Variants in FAM161B observed in about 807,000 individuals in gnomAD.
FAM161B encodes the protein protein FAM161B.
Under a neutral mutation model 61.5 loss-of-function variants are expected in FAM161B, and 46 were observed. That is an observed-to-expected ratio of 0.75 (90% CI 0.59 to 0.96). The LOEUF is 0.96. Among genes scored for constraint, FAM161B ranks in the 40% least tolerant of loss-of-function variants. The pLI, the probability that FAM161B is intolerant of heterozygous loss-of-function variation, is 0.00. For synonymous variants in FAM161B, 284 were observed against 302.7 expected (o/e 0.94, Z 0.64); for missense variants, 774 against 800.7 (o/e 0.97, Z 0.40).
chr14:73,923,253 G>C, the FAM161B span: 7 of 939,748 alleles, frequency 7.4e-6, no homozygotes, highest in Non-Finnish European at 1.0e-5. Flanking sequence ...ATGCTTATCA[G>C]ACAGGATTAA....
chr14:73,941,268 G>A (rs1197340505), intron 4 of FAM161B, among the ~76,000 whole-genome samples: 1 of 151,944 alleles, frequency 6.6e-6, no homozygotes, highest in Admixed American at 6.6e-5. Context: ...TACAGGTTGT[G>A]AGCCACCATG....
chr14:73,945,017 G>C, intron 2 of FAM161B, 132 bp from the exon 3 acceptor site: 3 of 638,828 alleles, frequency 4.7e-6, no homozygotes, highest in Non-Finnish European at 7.2e-6. Context: ...AGCCCCACAG[G>C]CCTCTATGTC....
chr14:73,944,916 A>C, intron 2 of FAM161B, 31 bp from the exon 3 acceptor site: 2 of 1,482,282 alleles, frequency 1.3e-6, no homozygotes, highest in Non-Finnish European at 1.8e-6. Flanking sequence ...TGAGTGGAGG[A>C]CAGGGCAGTC....
intron 1 of FAM161B, among the ~76,000 whole-genome samples, chr14:73,947,633 C>A (rs535008372): frequency 6.6e-6 from 1 of 152,214 alleles, no homozygotes; most frequent in African/African-American, 2.4e-5. Context: ...ATGATAAATT[C>A]TGTGAAAACC....
Position 73,935,948 on chromosome 14 carries a change from C to T in FAM161B, c.1805+1G>A. On this transcript the variant is annotated splice_donor_variant, in intron 8 of 8. Transcript: ENST00000286544. LOFTEE classifies it high-confidence loss of function. ...AGAATGACAGCAACATTTCAGGTTA[C>T]CTGGGAAAATCCTTGATTTTGGTCT... is the stretch of plus-strand genomic sequence containing the variant. 6.2e-7 allele frequency: 1 copy of T among 1,606,476 alleles called. No homozygotes were observed. Among genetic ancestry groups the T allele is most frequent in the Non-Finnish European group, 8.5e-7 (1 of 1,175,074 alleles).
intron 2 of FAM161B, among the ~76,000 whole-genome samples, chr14:73,945,584 A>G (rs2056059480): frequency 1.3e-5 from 2 of 152,018 alleles, no homozygotes; most frequent in South Asian, 4.2e-4. Flanking sequence ...ACCTGCCACC[A>G]TGCCCGGCTA....
downstream of FAM161B, chr14:73,932,165 T>C (rs1218109829): frequency 8.2e-6 from 3 of 365,794 alleles, no homozygotes; most frequent in East Asian, 2.3e-4. Flanking sequence ...TCTTCGTTAA[T>C]GGAACATACA....
intron 3 of FAM161B, 125 bp downstream of exon 3, chr14:73,944,210 C>G: frequency 6.9e-7 from 1 of 1,448,244 alleles, no homozygotes; most frequent in Non-Finnish European, 9.3e-7. Flanking sequence ...AAGCGTGCAG[C>G]CTCTAGTGGG....
Position 73,942,386 on chromosome 14 carries a change from T to C in FAM161B, c.1255A>G (p.Thr419Ala). The C allele has an allele frequency of 6.2e-6, 10 of 1,613,908 alleles. No homozygotes were observed. The highest frequency in any genetic ancestry group is 8.5e-6 in the Non-Finnish European group (10 of 1,179,894). Reference protein sequence around the residue: ...RHPQRPCDAATTGRRQDSPQP... With the variant: ...RHPQRPCDAAATGRRQDSPQP... ...GCTCTCACCTGCCTCCTTCCGGTGGTGGCAGCATCACAGGGCCGCTGAGGG... is the reference window on the plus strand; with the variant it reads ...GCTCTCACCTGCCTCCTTCCGGTGGCGGCAGCATCACAGGGCCGCTGAGGG... The change falls in exon 4 of 9, where the codon ACC (threonine) becomes GCC (alanine). Residue 419 changes from threonine to alanine, a missense_variant. By Grantham distance (58) the Thr-to-Ala change is moderately conservative. Coordinates refer to ENST00000286544, the MANE Select transcript of FAM161B (RefSeq NM_152445.3).
Position 73,942,547 on chromosome 14 carries a change from T to C in FAM161B, c.1094A>G (p.Gln365Arg), listed in dbSNP as rs778443067. The C allele has an allele frequency of 6.2e-7, 1 of 1,614,236 alleles. No homozygotes were observed. The highest frequency in any genetic ancestry group is 1.1e-5 in the South Asian group (1 of 91,092). ...LGFLHTNFRF[Q>R]PRVNPVVPDY... is the part of the protein sequence containing the mutation. The stretch of plus-strand genomic sequence containing the variant: ...AGGGACCACAGGATTCACCCGAGGC[T>C]GGAATCTGAAGTTAGTGTGCAGAAA... The change falls in exon 4 of 9, where the codon CAG becomes CGG. Residue 365 changes from glutamine to arginine, a missense_variant. Coordinates refer to ENST00000286544, the MANE Select transcript of FAM161B (RefSeq NM_152445.3).
chr14:73,942,608 G>A lies in FAM161B; in HGVS notation c.1033C>T (p.Arg345Cys), dbSNP rs146274500. Residue 345 changes from arginine to cysteine, a missense_variant, in exon 4 of 9, where the codon CGC becomes TGC. Arg to Cys is a radical substitution (Grantham distance 180). Transcript: ENST00000286544. ...SSSNRANPQP[R>C]TATRTQQEKL... Reference sequence around the variant, plus strand: ...TCCTGCTGGGTTCGGGTGGCTGTGCGGGGCTGTGGGTTAGCCCGGTTACTA... The same window carrying A: ...TCCTGCTGGGTTCGGGTGGCTGTGCAGGGCTGTGGGTTAGCCCGGTTACTA... 7.7e-5 allele frequency: 124 copies of A among 1,614,074 alleles called. No homozygotes were observed. The highest frequency in any genetic ancestry group is 6.5e-4 in the African/African-American group (49 of 74,924).
rs777854798 is a variant in FAM161B at position 73,935,949 on chromosome 14, C to G, written c.1805G>C (p.Arg602Thr). The change falls in exon 8 of 9, where the codon AGG becomes ACG. Residue 602 changes from arginine to threonine, a missense_variant and splice_region_variant. By Grantham distance (71) the Arg-to-Thr change is moderately conservative (BLOSUM62 -1). Coordinates refer to ENST00000286544, the MANE Select transcript of FAM161B (RefSeq NM_152445.3). Reference protein sequence around the residue: ...EKETKIKDFPRFQETTKLSIR... With the variant: ...EKETKIKDFPTFQETTKLSIR... ...GAATGACAGCAACATTTCAGGTTACCTGGGAAAATCCTTGATTTTGGTCTC... is the reference window on the plus strand; with the variant it reads ...GAATGACAGCAACATTTCAGGTTACGTGGGAAAATCCTTGATTTTGGTCTC... 3 of 1,605,746 alleles carry G rather than the reference C, an allele frequency of 1.9e-6. No homozygotes were observed. Among genetic ancestry groups the G allele is most frequent in the Admixed American group, 3.4e-5 (2 of 59,298 alleles).
chr14:73,943,331 C>A (rs764547060), intron 3 of FAM161B, among the ~76,000 whole-genome samples: 4 of 152,178 alleles, frequency 2.6e-5, no homozygotes, highest in Non-Finnish European at 5.9e-5. Flanking sequence ...AGTCTTGCTG[C>A]CCTCTCAGAT....
chr14:73,949,950 G>A (rs751881918), intron 1 of FAM161B, 23 bp downstream of exon 1: 3 of 1,612,740 alleles, frequency 1.9e-6, no homozygotes, highest in Non-Finnish European at 2.5e-6. Context: ...CTTTCCCGGG[G>A]GCAGTCTCTT....
In FAM161B at chr14:73,934,154, C is replaced by T; in HGVS notation, c.*102G>A. ...CTGCTACTCTTCATTTGTCCATCCTCTAACAGTAGCCATGACTCAAAACCC... is the reference window on the plus strand; with the variant it reads ...CTGCTACTCTTCATTTGTCCATCCTTTAACAGTAGCCATGACTCAAAACCC... On this transcript the variant is annotated 3_prime_UTR_variant, in exon 9 of 9. Transcript: ENST00000286544. 1 of 1,392,542 alleles carries T rather than the reference C, an allele frequency of 7.2e-7. No homozygotes were observed. Among genetic ancestry groups the T allele is most frequent in the Middle Eastern group, 2.4e-4 (1 of 4,226 alleles). 86.3% of individuals were successfully genotyped at this position (1,392,542 alleles called of 1,614,324 possible).
At chr14:73,947,214 C>T (rs2056074424) in intron 1 of FAM161B, among the ~76,000 whole-genome samples, 2 of 151,948 alleles carry the variant, frequency 1.3e-5, no homozygotes, top group South Asian at 2.1e-4. Context: ...GGTGAAATCC[C>T]GTCTCTACAA....
rs921188851 is a variant in FAM161B, at chr14:73,933,132, CTG to C, written c.*1122_*1123del. 6.6e-6 allele frequency: 1 copy of C among 152,258 alleles called. No individual in the cohort carries two copies. Among genetic ancestry groups the C allele is most frequent in the African/African-American group, 2.4e-5 (1 of 41,456 alleles). 9.4% of individuals were successfully genotyped at this position (152,258 alleles called of 1,614,324 possible). On this transcript the variant is annotated 3_prime_UTR_variant, in exon 9 of 9. Coordinates refer to ENST00000286544, the MANE Select transcript of FAM161B (RefSeq NM_152445.3). Reference sequence around the variant, plus strand: ...CATGCATAATCACATAGTACATAGACTGTGTTCATGGCAATTACTTGTATTCT... The same window carrying C: ...CATGCATAATCACATAGTACATAGACTGTTCATGGCAATTACTTGTATTCT...
At chr14:73,925,889 C>T in the FAM161B span, among the ~76,000 whole-genome samples, 1 of 152,004 alleles carries the variant, frequency 6.6e-6, no homozygotes, top group Non-Finnish European at 1.5e-5. Context: ...AAAAAATTAG[C>T]GGGACGTGGT....
At chr14:73,943,554 TCTG>T (rs1481565335) in intron 3 of FAM161B, among the ~76,000 whole-genome samples, 3 of 152,086 alleles carry the variant, frequency 2.0e-5, no homozygotes, top group Admixed American at 6.5e-5. Context: ...TTGCAGATGC[TCTG>T]CTTTCTCTCC....
Sources: allele counts gnomAD v4.1 joint callset (sites outside exome capture counted in the v4.1 genomes callset), GRCh38; gene constraint gnomAD v4.1.1; transcripts MANE v1.5; gene names NCBI Gene and HGNC (gene_info 2026-07-23, HGNC 2026-07-21).